The following L3MBTL4 variants were observed in gnomAD, a reference collection of about 807,000 sequenced individuals.
The protein encoded by L3MBTL4 is L3MBTL histone methyl-lysine binding protein 4, also known as lethal(3)malignant brain tumor-like protein 4.
In L3MBTL4, 70 loss-of-function variants were observed where a neutral mutation model predicts 84.5. The ratio of observed to expected loss-of-function variants is 0.83; its 90% CI spans 0.68 to 1.01. The LOEUF (loss-of-function observed/expected upper bound fraction) is 1.01, where lower values mean the gene tolerates loss of function less well. Ranked by LOEUF, L3MBTL4 falls within the 50% of genes least tolerant of loss-of-function variation. L3MBTL4 has a pLI of 0.00. For synonymous variants in L3MBTL4, 274 were observed against 259.8 expected (o/e 1.05, Z -0.52); for missense variants, 715 against 754.8 (o/e 0.95, Z 0.62).
At chr18:6,370,817 T>A (rs1043906916) in intron 1 of L3MBTL4, among the ~76,000 whole-genome samples, 2 of 152,124 alleles carry the variant, frequency 1.3e-5, no homozygotes, top group African/African-American at 4.8e-5. Flanking sequence ...CAGAAAAATT[T>A]AAAAAAATTA....
intron 5 of L3MBTL4, chr18:6,260,739 T>A (rs1242684251): frequency 6.6e-6 from 1 of 152,216 alleles, no homozygotes; most frequent in Non-Finnish European, 1.5e-5. Flanking sequence ...AACATTTCGG[T>A]GTCAAAAGCT....
chr18:6,040,058 T>C (rs2056330755), intron 16 of L3MBTL4, among the ~76,000 whole-genome samples: 2 of 152,126 alleles, frequency 1.3e-5, no homozygotes, highest in African/African-American at 4.8e-5. Context: ...GCATGTACAG[T>C]AGGAAACATG....
intron 16 of L3MBTL4, among the ~76,000 whole-genome samples, chr18:6,042,392 A>C (rs1486539545): frequency 6.6e-6 from 1 of 151,560 alleles, no homozygotes; most frequent in Non-Finnish European, 1.5e-5. Flanking sequence ...CACACACACC[A>C]AGCACGTAAA....
At chr18:6,264,100 T>C (rs554693778) in intron 4 of L3MBTL4, 62 bp from the exon 5 acceptor site, 13 of 1,227,400 alleles carry the variant, frequency 1.1e-5, no homozygotes, top group Admixed American at 9.0e-5. Context: ...TAATAAAACT[T>C]ACTTGACAAT....
intron 16 of L3MBTL4, among the ~76,000 whole-genome samples, chr18:6,069,045 C>A (rs1250147334): frequency 6.6e-6 from 1 of 152,180 alleles, no homozygotes; most frequent in Non-Finnish European, 1.5e-5. Flanking sequence ...TGCAAGGGAT[C>A]CAGAAATGTG....
At chr18:6,346,037 T>G (rs529446511) in intron 1 of L3MBTL4, among the ~76,000 whole-genome samples, 1 of 150,466 alleles carries the variant, frequency 6.6e-6, no homozygotes, top group African/African-American at 2.4e-5. Flanking sequence ...AGTCAACTAA[T>G]TTTTTGACAA....
At chr18:6,258,160 C>G (rs2048236996) in intron 5 of L3MBTL4, among the ~76,000 whole-genome samples, 1 of 152,152 alleles carries the variant, frequency 6.6e-6, no homozygotes, top group Admixed American at 6.5e-5. Flanking sequence ...TGGAAGGTCT[C>G]ACCACATGCA....
intron 13 of L3MBTL4, among the ~76,000 whole-genome samples, chr18:6,144,001 T>G (rs967270816): frequency 3.2e-4 from 48 of 151,958 alleles, no homozygotes; most frequent in African/African-American, 1.1e-3. Flanking sequence ...ATCGAGACTA[T>G]CCTGGCTAAC....
rs749347735 is a variant in L3MBTL4, at chr18:6,243,340, T to C, written c.414A>G (p.Pro138=). The change falls in exon 7 of 19, where the codon CCA becomes CCG. Residue 138 remains proline, a synonymous_variant. Coordinates refer to ENST00000317931, the MANE Select transcript of L3MBTL4 (RefSeq NM_001330559.2). The part of the protein sequence containing the change: ...WTNAGSPDIH[P]VGWCEKTKHE... ...GTTTGGTCTTTTCACACCATCCTAC[T>C]GGATGAATGTCAGGGGAACCAGCAT... is the stretch of plus-strand genomic sequence containing the variant. 1.0e-5 allele frequency: 16 copies of C among 1,605,978 alleles called. No homozygotes were observed. The highest frequency in any genetic ancestry group is 2.3e-5 in the South Asian group (2 of 88,624).
chr18:6,071,815 G>GAAA (rs1231353188), intron 16 of L3MBTL4, among the ~76,000 whole-genome samples: 78 of 116,260 alleles, frequency 6.7e-4, no homozygotes, highest in Admixed American at 1.4e-3. Flanking sequence ...AAGAAAGAAA[G>GAAA]GAAAGAAAGA....
intron 10 of L3MBTL4, among the ~76,000 whole-genome samples, chr18:6,221,026 T>G (rs544108543): frequency 8.6e-5 from 13 of 151,416 alleles, no homozygotes; most frequent in African/African-American, 3.1e-4. Flanking sequence ...TACTCCTCAG[T>G]TTTTTTTTCC....
At chr18:6,128,796 A>T (rs1201306633) in intron 14 of L3MBTL4, among the ~76,000 whole-genome samples, 2 of 152,136 alleles carry the variant, frequency 1.3e-5, no homozygotes, top group East Asian at 3.9e-4. Context: ...GATAAAGGGA[A>T]TTCCAAGATG....
chr18:6,066,794 A>AT (rs987832275), intron 16 of L3MBTL4, among the ~76,000 whole-genome samples: 8 of 151,620 alleles, frequency 5.3e-5, no homozygotes, highest in South Asian at 2.1e-4. Flanking sequence ...TATTTGGTTG[A>AT]TTTTTTTATG....
chr18:6,236,447 T>G (rs547064238), intron 10 of L3MBTL4, among the ~76,000 whole-genome samples: 6 of 152,284 alleles, frequency 3.9e-5, no homozygotes, highest in African/African-American at 1.2e-4. Context: ...TGCGCAGAAT[T>G]TTTCTAGGCT....
chr18:5,986,857 G>A (rs1418447908), intron 16 of L3MBTL4, among the ~76,000 whole-genome samples: 3 of 152,200 alleles, frequency 2.0e-5, no homozygotes, highest in Non-Finnish European at 4.4e-5. Flanking sequence ...TTTTTTAAGA[G>A]GCTTCACAGT....
At chr18:5,963,510 C>A (rs1299159281) in intron 17 of L3MBTL4, among the ~76,000 whole-genome samples, 1 of 152,208 alleles carries the variant, frequency 6.6e-6, no homozygotes, top group East Asian at 1.9e-4. Flanking sequence ...CTCCACCTGG[C>A]CACCCTCCTC....
chr18:6,087,315 C>T (rs1270992511), intron 15 of L3MBTL4, among the ~76,000 whole-genome samples: 1 of 152,126 alleles, frequency 6.6e-6, no homozygotes, highest in African/African-American at 2.4e-5. Context: ...GTGAGGAGAG[C>T]AATGAGCTGG....
chr18:6,219,275 C>T (rs1367931549), intron 10 of L3MBTL4, among the ~76,000 whole-genome samples: 2 of 151,910 alleles, frequency 1.3e-5, no homozygotes, highest in Non-Finnish European at 2.9e-5. Context: ...CCAAGGCAGC[C>T]CCTTTCAGGC....
chr18:6,363,638 C>T (rs2053809644), intron 1 of L3MBTL4, among the ~76,000 whole-genome samples: 1 of 151,954 alleles, frequency 6.6e-6, no homozygotes, highest in Non-Finnish European at 1.5e-5. Context: ...TTAAGCCTCA[C>T]AGTAATTCCA....
Sources: gnomAD v4.1 joint callset for allele counts (sites outside exome capture counted in the v4.1 genomes callset) on GRCh38, gnomAD v4.1.1 for gene constraint, MANE v1.5 for transcripts, NCBI Gene and HGNC (gene_info 2026-07-23, HGNC 2026-07-21) for gene names.